LAPTM4B: variants seen among roughly 807,000 people sequenced by gnomAD.
LAPTM4B encodes the protein lysosomal protein transmembrane 4 beta.
LAPTM4B carries 26 observed loss-of-function variants against 28.5 expected under a neutral mutation model. The observed-to-expected ratio is 0.91, with a 90% CI of 0.67 to 1.27. The LOEUF (loss-of-function observed/expected upper bound fraction) is 1.27, where lower values mean the gene tolerates loss of function less well. Ranked by LOEUF, LAPTM4B falls within the 50% of genes most tolerant of loss-of-function variation. The probability of loss-of-function intolerance (pLI) is 0.00; values close to 1 mark genes in which losing one functional copy is unlikely to be tolerated. For missense variants in LAPTM4B, 288 were observed against 285.8 expected (o/e 1.01, Z -0.06); for synonymous variants, 109 against 106.4 (o/e 1.02, Z -0.15).
intron 6 of LAPTM4B, among the ~76,000 whole-genome samples, chr8:97,839,965 AGTC>A (rs1473169343): frequency 6.6e-6 from 1 of 152,208 alleles, no homozygotes; most frequent in Non-Finnish European, 1.5e-5. Flanking sequence ...GGTCATGAGC[AGTC>A]CCTGCATCCC....
chr8:97,824,811 T>A (rs752776508), intron 5 of LAPTM4B, among the ~76,000 whole-genome samples: 3 of 147,128 alleles, frequency 2.0e-5, no homozygotes, highest in Admixed American at 6.8e-5. Context: ...CTCTCCCAAC[T>A]TCCCCCAGTA....
chr8:97,828,846 C>T (rs1375112997), intron 6 of LAPTM4B, among the ~76,000 whole-genome samples: 5 of 152,164 alleles, frequency 3.3e-5, no homozygotes, highest in African/African-American at 9.7e-5. Flanking sequence ...AGTGGAAACT[C>T]CTAATCCTAT....
chr8:97,832,151 T>A (rs1342093000), intron 6 of LAPTM4B, among the ~76,000 whole-genome samples: 1 of 152,228 alleles, frequency 6.6e-6, no homozygotes, highest in Non-Finnish European at 1.5e-5. Context: ...ACTAGCTTTT[T>A]GGAGAAAACT....
intron 1 of LAPTM4B, among the ~76,000 whole-genome samples, chr8:97,797,873 A>G (rs1816615242): frequency 6.6e-6 from 1 of 152,216 alleles, no homozygotes; most frequent in Admixed American, 6.5e-5. Flanking sequence ...AGTTGGATTT[A>G]TTTACATGTG....
rs531978056 is a variant in LAPTM4B, at chr8:97,842,394, C to T, written c.604-9003C>T. ...AGTTTTCTAGGCAACTGTAGGACAG[C>T]TATCTGAAACATTCCAGATTGTTCA... On this transcript the variant is annotated intron_variant, in intron 6 of 6. Coordinates refer to ENST00000521545, the MANE Select transcript of LAPTM4B (RefSeq NM_018407.6). Among the ~76,000 whole-genome samples the T allele has an allele frequency of 2.9e-4, 44 of 152,300 alleles. 1 individual carries two copies. Among genetic ancestry groups the T allele is most frequent in the Middle Eastern group, 3.4e-3 (1 of 294 alleles).
chr8:97,804,265 T>C (rs1268412842), intron 1 of LAPTM4B, among the ~76,000 whole-genome samples: 1 of 152,180 alleles, frequency 6.6e-6, no homozygotes, highest in East Asian at 1.9e-4. Context: ...TCTGCAATCC[T>C]TGCTACCCCA....
At chr8:97,798,861 T>C (rs1325066836) in intron 1 of LAPTM4B, among the ~76,000 whole-genome samples, 1 of 152,202 alleles carries the variant, frequency 6.6e-6, no homozygotes, top group African/African-American at 2.4e-5. Flanking sequence ...AGAGGCCAGA[T>C]GGATAAGCTA....
In LAPTM4B at chr8:97,779,584, A is replaced by C. The variant is rs190551975; in HGVS notation, c.99+3476A>C. On this transcript the variant is annotated intron_variant, in intron 1 of 6. Transcript: ENST00000521545. ...CGGATCACTTGAGGTCAGGAGTTCT[A>C]GACCAGCCTGGGCAACATGGCAAGA... Among the ~76,000 whole-genome samples the C allele has an allele frequency of 1.4e-4, 20 of 145,652 alleles. 2 individuals are homozygous for C. In the East Asian group the frequency reaches 3.6e-3, roughly 26 times the overall value.
intron 1 of LAPTM4B, among the ~76,000 whole-genome samples, chr8:97,802,234 G>A (rs1045265047): frequency 5.3e-5 from 8 of 152,172 alleles, no homozygotes; most frequent in Non-Finnish European, 1.0e-4. Flanking sequence ...AGGCAGAGCA[G>A]TAGCTTGGAC....
At chr8:97,836,982 G>A (rs1256854672) in intron 6 of LAPTM4B, among the ~76,000 whole-genome samples, 1 of 151,818 alleles carries the variant, frequency 6.6e-6, no homozygotes, top group African/African-American at 2.4e-5. Context: ...AGTGATGACT[G>A]GGGCAAAGGC....
In LAPTM4B at chr8:97,838,402, C is replaced by T. The variant is rs112219761; in HGVS notation, c.604-12995C>T. Among the ~76,000 whole-genome samples the T allele has an allele frequency of 2.4e-3, 364 of 152,288 alleles. 2 individuals are homozygous for T. Among genetic ancestry groups the T allele is most frequent in the African/African-American group, 8.5e-3 (353 of 41,568 alleles). On this transcript the variant is annotated intron_variant, in intron 6 of 6. Coordinates refer to ENST00000521545, the MANE Select transcript of LAPTM4B (RefSeq NM_018407.6). ...CTTGTGTTTGTATCATAGGTTTCTCCGCAGACATGTGGCAGTTGCCGCCCA... is the reference window on the plus strand; with the variant it reads ...CTTGTGTTTGTATCATAGGTTTCTCTGCAGACATGTGGCAGTTGCCGCCCA...
rs374982925 is a variant in LAPTM4B at position 97,822,528 on chromosome 8, T to TTTTATTTATGTA, written c.508-2521_508-2520insGTATTTATTTAT. 9.4e-4 allele frequency among the ~76,000 whole-genome samples: 135 copies of TTTTATTTATGTA among 143,420 alleles called. 2 individuals carry two copies. The highest frequency in any genetic ancestry group is 6.4e-3 in the Admixed American group (88 of 13,776). The allele number at this position is 143,420 out of a possible 152,430, so 94.1% of individuals were successfully genotyped here. On this transcript the variant is annotated intron_variant, in intron 5 of 6. Coordinates refer to ENST00000521545, the MANE Select transcript of LAPTM4B (RefSeq NM_018407.6). ...TTAGCTTCTGTCAGTATGACTTCTA[T>TTTTATTTATGTA]TTTATTTATTTATTTATTTATTTAT...
chr8:97,829,693 C>CTTT (rs534166331), intron 6 of LAPTM4B, among the ~76,000 whole-genome samples: 2 of 146,934 alleles, frequency 1.4e-5, no homozygotes, highest in Non-Finnish European at 3.0e-5. Context: ...TCTTTTCTTT[C>CTTT]TTCTTTTTTT....
rs546425169 is a variant in LAPTM4B at position 97,800,484 on chromosome 8, C to CTT, written c.100-4843_100-4842dup. Reference sequence around the variant, plus strand: ...CTTCTGTAATATTACCCCTTGACCTCTTTTTTTTTTTTTTTTTTTTTTTTT... The same window carrying CTT: ...CTTCTGTAATATTACCCCTTGACCTCTTTTTTTTTTTTTTTTTTTTTTTTTTT... On this transcript the variant is annotated intron_variant, in intron 1 of 6. Transcript: ENST00000521545. Among the ~76,000 whole-genome samples the CTT allele has an allele frequency of 9.9e-3, 688 of 69,306 alleles. 75 individuals are homozygous for CTT. Among genetic ancestry groups the CTT allele is most frequent in the African/African-American group, 0.03 (404 of 13,384 alleles). 45.5% of individuals were successfully genotyped at this position (69,306 alleles called of 152,430 possible). A position where few individuals can be genotyped will look rare whatever the true frequency, so the allele number is the denominator to read the frequency against.
intron 5 of LAPTM4B, among the ~76,000 whole-genome samples, chr8:97,823,135 C>T (rs1413146787): frequency 1.3e-5 from 2 of 152,076 alleles, no homozygotes; most frequent in African/African-American, 4.8e-5. Context: ...GCCACAATGC[C>T]CGGCCCACTA....
chr8:97,785,490 G>A (rs1199271310), intron 1 of LAPTM4B, among the ~76,000 whole-genome samples: 4 of 151,972 alleles, frequency 2.6e-5, no homozygotes, highest in South Asian at 2.1e-4. Flanking sequence ...ATTTAACTTC[G>A]ACCTAAAAGG....
chr8:97,818,144 C>T (rs1035547180), intron 4 of LAPTM4B, among the ~76,000 whole-genome samples: 2 of 152,154 alleles, frequency 1.3e-5, no homozygotes, highest in African/African-American at 4.8e-5. Flanking sequence ...AGTAAAGTTG[C>T]ATGATCTGAT....
Position 97,819,185 on chromosome 8 carries a change from A to C in LAPTM4B, c.454A>C (p.Thr152Pro). The C allele has an allele frequency of 6.2e-7, 1 of 1,610,716 alleles. No homozygotes were observed. Among genetic ancestry groups the C allele is most frequent in the Non-Finnish European group, 8.5e-7 (1 of 1,178,320 alleles). The change falls in exon 5 of 7, where the codon ACC (threonine) becomes CCC (proline). Residue 152 changes from threonine to proline, a missense_variant. By Grantham distance (38) the Thr-to-Pro change is conservative. Coordinates refer to ENST00000521545, the MANE Select transcript of LAPTM4B (RefSeq NM_018407.6). The stretch of plus-strand genomic sequence containing the variant: ...AGATGATGTCATGTCAGTGAATCCT[A>C]CCTGTTTGGTCCTTATTATTCTTCT... ...YRDDVMSVNP[T>P]CLVLIILLFI...
chr8:97,813,021 C>T (rs75581115), intron 2 of LAPTM4B, among the ~76,000 whole-genome samples: 5,874 of 152,280 alleles, frequency 0.039, 160 homozygotes, highest in Admixed American at 0.079. Flanking sequence ...TTACTGAAAT[C>T]GTAGGATGTT....
Sources: gnomAD v4.1 joint callset for allele counts (sites outside exome capture counted in the v4.1 genomes callset) on GRCh38, gnomAD v4.1.1 for gene constraint, MANE v1.5 for transcripts, NCBI Gene and HGNC (gene_info 2026-07-23, HGNC 2026-07-21) for gene names.